Variants in UGT1A8 observed in about 807,000 individuals in gnomAD.
UGT1A8 encodes UDP-glucuronosyltransferase 1A8.
In UGT1A8, 39 loss-of-function variants were observed where a neutral mutation model predicts 45.3. The ratio of observed to expected loss-of-function variants is 0.86; its 90% confidence interval spans 0.67 to 1.12. The LOEUF is 1.12. Among genes scored for constraint, UGT1A8 ranks in the 50% most tolerant of loss-of-function variants. The pLI, the probability that UGT1A8 is intolerant of heterozygous loss-of-function variation, is 0.00. For synonymous variants in UGT1A8, 275 were observed against 249.2 expected, an observed-to-expected ratio of 1.10 and a Z score of -0.97; for missense variants, 719 against 664.9, an observed-to-expected ratio of 1.08 and a Z score of -0.90.
intron 1 of UGT1A8, among the ~76,000 whole-genome samples, chr2:233,689,423 G>C (rs2074942211): frequency 6.6e-6 from 1 of 152,216 alleles, no homozygotes; most frequent in African/African-American, 2.4e-5. Flanking sequence ...CTAATGGCTT[G>C]CAAGTAAAGG....
At chr2:233,697,371 T>C (rs1038271148) in intron 1 of UGT1A8, among the ~76,000 whole-genome samples, 9 of 152,090 alleles carry the variant, frequency 5.9e-5, no homozygotes, top group Non-Finnish European at 1.0e-4. Context: ...GCATATAGAG[T>C]TCACAATAAT....
intron 1 of UGT1A8, chr2:233,713,045 T>A: frequency 6.2e-7 from 1 of 1,614,044 alleles, no homozygotes; most frequent in East Asian, 2.2e-5. Context: ...GACTGCTGCT[T>A]CTCCTCAGTG....
chr2:233,678,933 A>C lies in UGT1A8; in HGVS notation c.855+60371A>C, dbSNP rs568040518. Among the ~76,000 whole-genome samples, 9 of 152,332 alleles carry C rather than the reference A, an allele frequency of 5.9e-5. No homozygotes were observed. The South Asian group carries it at 1.4e-3, about 25-fold the overall frequency. ...GAAGTCATGTGCAACATCTGGTCAC[A>C]GTTTTCTCCAGAAGAAATGTACTGT... On this transcript the variant is annotated intron_variant, in intron 1 of 4. Transcript: ENST00000373450.
At chr2:233,669,945 A>G (rs1559332784) in intron 1 of UGT1A8, among the ~76,000 whole-genome samples, 1 of 152,122 alleles carries the variant, frequency 6.6e-6, no homozygotes, top group Non-Finnish European at 1.5e-5. Flanking sequence ...TTGACCTCCC[A>G]AAGTGCTGGG....
intron 2 of UGT1A8, among the ~76,000 whole-genome samples, chr2:233,767,609 C>G (rs1559414231): frequency 6.6e-6 from 1 of 152,118 alleles, no homozygotes; most frequent in Admixed American, 6.6e-5. Flanking sequence ...TGAAAAAATC[C>G]TAAGTGCACA....
intron 1 of UGT1A8, among the ~76,000 whole-genome samples, chr2:233,686,566 A>G (rs1201654233): frequency 6.6e-6 from 1 of 152,094 alleles, no homozygotes; most frequent in Non-Finnish European, 1.5e-5. Context: ...CCCTGGTTTC[A>G]GAAGTTAGTG....
At position 233,621,276 on chromosome 2, in the gene UGT1A8, C is replaced by T. The variant is rs570796762; in HGVS notation, c.855+2714C>T. Among the ~76,000 whole-genome samples, 60 of 152,152 alleles carry T rather than the reference C, an allele frequency of 3.9e-4. 2 individuals carry two copies. Among genetic ancestry groups the T allele is most frequent in the Non-Finnish European group, 7.6e-4 (52 of 68,008 alleles). ...ATGTGTAAATAATTCAGCAGAACAG[C>T]GAAATAGTTTTAATGAGAAAAAGAG... On this transcript the variant is annotated intron_variant, in intron 1 of 4. Coordinates refer to ENST00000373450, the MANE Select transcript of UGT1A8 (RefSeq NM_019076.5).
chr2:233,697,064 T>C (rs2075372984), intron 1 of UGT1A8, among the ~76,000 whole-genome samples: 1 of 152,012 alleles, frequency 6.6e-6, no homozygotes, highest in Non-Finnish European at 1.5e-5. Context: ...CCTTGTCTGG[T>C]TTTGGTATCA....
intron 1 of UGT1A8, among the ~76,000 whole-genome samples, chr2:233,720,605 A>C (rs1246290812): frequency 6.6e-6 from 1 of 152,152 alleles, no homozygotes; most frequent in Non-Finnish European, 1.5e-5. Context: ...TTTCATTAAT[A>C]CAGAATATTT....
At chr2:233,672,078 C>T in intron 1 of UGT1A8, 1 of 1,614,116 alleles carries the variant, frequency 6.2e-7, no homozygotes. Flanking sequence ...TGGAGAAACT[C>T]ATTCTCAGGG....
chr2:233,718,235 C>G (rs531002147), intron 1 of UGT1A8, among the ~76,000 whole-genome samples: 1 of 152,318 alleles, frequency 6.6e-6, no homozygotes, highest in African/African-American at 2.4e-5. Flanking sequence ...AGAGAGTCCT[C>G]TTTGAGCTTT....
At chr2:233,623,894 C>G (rs994429345) in intron 1 of UGT1A8, among the ~76,000 whole-genome samples, 2 of 152,136 alleles carry the variant, frequency 1.3e-5, no homozygotes, top group African/African-American at 4.8e-5. Flanking sequence ...CCAGACAGCT[C>G]CCATCATGCC....
intron 1 of UGT1A8, among the ~76,000 whole-genome samples, chr2:233,675,660 T>C (rs2602380): frequency 0.62 from 93,620 of 152,006 alleles, 29,083 homozygotes; most frequent in South Asian, 0.65. Context: ...ACATACACAA[T>C]GGAGAGACTC....
At chr2:233,636,098 ATTTC>A (rs1330372911) in intron 1 of UGT1A8, among the ~76,000 whole-genome samples, 4 of 151,106 alleles carry the variant, frequency 2.6e-5, no homozygotes, top group South Asian at 4.2e-4. Context: ...TGAGATGCCA[ATTTC>A]TTTCTGGACA....
chr2:233,656,426 C>G (rs2073854475), intron 1 of UGT1A8, among the ~76,000 whole-genome samples: 1 of 152,202 alleles, frequency 6.6e-6, no homozygotes, highest in South Asian at 2.1e-4. Context: ...GAATGGACGT[C>G]AGTTAGTCAG....
intron 1 of UGT1A8, among the ~76,000 whole-genome samples, chr2:233,642,017 A>C (rs1390190385): frequency 6.6e-6 from 1 of 152,172 alleles, no homozygotes; most frequent in Admixed American, 6.5e-5. Flanking sequence ...GGTGTTCTCT[A>C]GCCTTCTCAT....
At chr2:233,639,746 T>C (rs2073398993) in intron 1 of UGT1A8, among the ~76,000 whole-genome samples, 1 of 152,214 alleles carries the variant, frequency 6.6e-6, no homozygotes, top group Non-Finnish European at 1.5e-5. Flanking sequence ...TTAACAATGA[T>C]GGCAGATGGC....
intron 1 of UGT1A8, among the ~76,000 whole-genome samples, chr2:233,620,592 A>C (rs2125447945): frequency 6.6e-6 from 1 of 152,330 alleles, no homozygotes; most frequent in East Asian, 1.9e-4. Context: ...TATGAAATAA[A>C]TGTGTTTCTA....
rs775448281 is a variant in UGT1A8, at chr2:233,713,196, A to G, written c.856-53838A>G. 9 of 1,614,120 alleles carry G rather than the reference A, an allele frequency of 5.6e-6. No individual in the cohort carries two copies. In the African/African-American group the frequency reaches 1.1e-4, roughly 19 times the overall value. ...CCTCACCCTGGAGGTGAATATGTAC[A>G]TCAAAGAAGAGAACTTTTTCACCCT... is the stretch of plus-strand genomic sequence containing the variant. On this transcript the variant is annotated intron_variant, in intron 1 of 4. Transcript: ENST00000373450.
Sources: allele counts gnomAD v4.1 joint callset (sites outside exome capture counted in the v4.1 genomes callset), GRCh38; gene constraint gnomAD v4.1.1; transcripts MANE v1.5; gene names NCBI Gene and HGNC (gene_info 2026-07-23, HGNC 2026-07-21).